The following PTPRR variants were observed in gnomAD, a reference collection of about 807,000 sequenced individuals.
PTPRR encodes receptor-type tyrosine-protein phosphatase R.
In PTPRR, 38 loss-of-function variants were observed where a neutral mutation model predicts 77.2. That is an observed-to-expected ratio of 0.49 (90% confidence interval 0.38 to 0.65). PTPRR has a LOEUF of 0.65. Among genes scored for constraint, PTPRR ranks in the 30% least tolerant of loss-of-function variants. The pLI, the probability that PTPRR is intolerant of heterozygous loss-of-function variation, is 0.00. For missense variants in PTPRR, 744 were observed against 799.2 expected (o/e 0.93, Z 0.83); for synonymous variants, 299 against 283.1 (o/e 1.06, Z -0.57).
At chr12:70,693,737 G>T (rs950971394) in intron 8 of PTPRR, among the ~76,000 whole-genome samples, 1 of 151,584 alleles carries the variant, frequency 6.6e-6, no homozygotes, top group African/African-American at 2.4e-5. Flanking sequence ...AACAAAAAAT[G>T]TATAATCATC....
chr12:70,653,572 C>A (rs1356486360), intron 13 of PTPRR, among the ~76,000 whole-genome samples: 3 of 152,254 alleles, frequency 2.0e-5, no homozygotes, highest in South Asian at 2.1e-4. Flanking sequence ...GTGAGTTATA[C>A]ATTACTATTT....
chr12:70,705,219 C>T (rs976347594), intron 6 of PTPRR, among the ~76,000 whole-genome samples: 9 of 152,088 alleles, frequency 5.9e-5, no homozygotes, highest in Non-Finnish European at 1.2e-4. Context: ...ATTCTAATGA[C>T]ATCAGTTTCT....
At chr12:70,822,612 T>G (rs1892034777) in intron 2 of PTPRR, among the ~76,000 whole-genome samples, 1 of 152,136 alleles carries the variant, frequency 6.6e-6, no homozygotes, top group Non-Finnish European at 1.5e-5. Flanking sequence ...GCCGTCTCCC[T>G]CCCAGCTCAC....
At chr12:70,792,542 C>A (rs562723936) in intron 2 of PTPRR, among the ~76,000 whole-genome samples, 142 of 152,120 alleles carry the variant, frequency 9.3e-4, no homozygotes, top group Non-Finnish European at 1.6e-3. Context: ...TTATATCTTG[C>A]AATTAGCTTA....
chr12:70,859,994 A>T (rs1435697377), intron 2 of PTPRR, among the ~76,000 whole-genome samples: 1 of 151,898 alleles, frequency 6.6e-6, no homozygotes, highest in Non-Finnish European at 1.5e-5. Flanking sequence ...TTTATTATGT[A>T]CCCACTCCAA....
intron 6 of PTPRR, among the ~76,000 whole-genome samples, chr12:70,727,022 C>T (rs1889464958): frequency 2.0e-5 from 3 of 151,988 alleles, no homozygotes; most frequent in African/African-American, 4.8e-5. Flanking sequence ...GAAGAAAGAA[C>T]ATGTATGTTA....
chr12:70,823,159 T>G (rs1466055692), intron 2 of PTPRR, among the ~76,000 whole-genome samples: 1 of 123,050 alleles, frequency 8.1e-6, no homozygotes, highest in Admixed American at 8.0e-5. Context: ...ACACACAGAG[T>G]TGTCGTTTTT....
intron 2 of PTPRR, among the ~76,000 whole-genome samples, chr12:70,793,341 A>G (rs1304380943): frequency 6.6e-6 from 1 of 152,218 alleles, no homozygotes; most frequent in African/African-American, 2.4e-5. Context: ...AAGCATTTAT[A>G]TGAAGAATTG....
rs148977819 is a variant in PTPRR, at chr12:70,666,121, C to T, written c.1498-3516G>A. On this transcript the variant is annotated intron_variant, in intron 10 of 13. Coordinates refer to ENST00000283228, the MANE Select transcript of PTPRR (RefSeq NM_002849.4). ...CCTTTGAAGTAGGTAGGGTGGGTAG[C>T]AGGTATTATTATTATTTAAATTATT... Among the ~76,000 whole-genome samples, 694 of 152,190 alleles carry T rather than the reference C, an allele frequency of 4.6e-3. 4 individuals carry two copies. Among genetic ancestry groups the T allele is most frequent in the African/African-American group, 0.015 (636 of 41,512 alleles).
At chr12:70,820,972 C>G (rs1891997765) in intron 2 of PTPRR, among the ~76,000 whole-genome samples, 1 of 152,156 alleles carries the variant, frequency 6.6e-6, no homozygotes, top group African/African-American at 2.4e-5. Context: ...TCACAATTGT[C>G]TTGACATCAA....
chr12:70,815,627 T>A (rs974380996), intron 2 of PTPRR, among the ~76,000 whole-genome samples: 1 of 152,194 alleles, frequency 6.6e-6, no homozygotes, highest in African/African-American at 2.4e-5. Flanking sequence ...TTTAGCATCA[T>A]GAAAATGGAG....
intron 5 of PTPRR, among the ~76,000 whole-genome samples, 155 bp from the exon 6 acceptor site, chr12:70,746,241 T>C (rs1254793607): frequency 6.6e-6 from 1 of 152,192 alleles, no homozygotes; most frequent in Non-Finnish European, 1.5e-5. Flanking sequence ...TTTCATGGTA[T>C]TGAGATTTTT....
intron 2 of PTPRR, among the ~76,000 whole-genome samples, chr12:70,844,277 T>C (rs763301690): frequency 1.3e-5 from 2 of 152,138 alleles, no homozygotes; most frequent in Non-Finnish European, 2.9e-5. Flanking sequence ...GCCTGTTTTA[T>C]ACAAGAAAGA....
At chr12:70,842,939 C>T (rs1892421485) in intron 2 of PTPRR, among the ~76,000 whole-genome samples, 1 of 152,166 alleles carries the variant, frequency 6.6e-6, no homozygotes, top group Non-Finnish European at 1.5e-5. Flanking sequence ...ATTTGAAGAG[C>T]TAGAAATAAT....
intron 10 of PTPRR, 68 bp from the exon 11 acceptor site, chr12:70,662,673 C>T (rs1886839945): frequency 1.2e-6 from 1 of 818,202 alleles, no homozygotes; most frequent in East Asian, 2.5e-5. Flanking sequence ...ACTTTTCATT[C>T]AAGCATCTCA....
At position 70,892,827 on chromosome 12, in the gene PTPRR, G is replaced by T; in HGVS notation, c.209C>A (p.Ser70Tyr). The T allele has an allele frequency of 6.2e-7, 1 of 1,613,568 alleles. No individual in the cohort carries two copies. Among genetic ancestry groups the T allele is most frequent in the Non-Finnish European group, 8.5e-7 (1 of 1,179,614 alleles). Residue 70 changes from serine to tyrosine, a missense_variant, in exon 2 of 14, where the codon TCC (serine) becomes TAC (tyrosine). Ser to Tyr is a moderately radical substitution (Grantham distance 144, BLOSUM62 -2). This residue lies in a region of PTPRR where 570 missense variants were observed against 573.2 expected (regional missense o/e 0.99). Transcript: ENST00000283228. ...KIYRHSYHSS[S>Y]EAQVSKRHQI... Reference sequence around the variant, plus strand: ...GTGGCGTTTGCTTACTTGAGCTTCGGAAGAGGAATGGTAGCTATGTCTGTA... The same window carrying T: ...GTGGCGTTTGCTTACTTGAGCTTCGTAAGAGGAATGGTAGCTATGTCTGTA...
At chr12:70,656,418 C>T (rs903147622) in intron 13 of PTPRR, among the ~76,000 whole-genome samples, 27 of 151,522 alleles carry the variant, frequency 1.8e-4, no homozygotes, top group African/African-American at 4.4e-4. Flanking sequence ...GTCCTAGCTA[C>T]GTGCGGGGGC....
chr12:70,736,864 G>A (rs1279118615), intron 6 of PTPRR, among the ~76,000 whole-genome samples: 1 of 152,192 alleles, frequency 6.6e-6, no homozygotes, highest in Non-Finnish European at 1.5e-5. Context: ...TGTGGTACGT[G>A]TATAATGGCC....
At chr12:70,784,423 C>G (rs577039789) in intron 2 of PTPRR, among the ~76,000 whole-genome samples, 1 of 152,216 alleles carries the variant, frequency 6.6e-6, no homozygotes, top group African/African-American at 2.4e-5. Flanking sequence ...TGGGTCGATG[C>G]TGCCGAGAGC....
Sources: gnomAD v4.1 joint callset for allele counts (sites outside exome capture counted in the v4.1 genomes callset) on GRCh38, gnomAD v4.1.1 for gene constraint, gnomAD v4.1.1 regional missense constraint, MANE v1.5 for transcripts, NCBI Gene and HGNC (gene_info 2026-07-23, HGNC 2026-07-21) for gene names.